DCC: variants seen among roughly 807,000 people sequenced by gnomAD.
The protein encoded by DCC is netrin receptor DCC.
Under a neutral mutation model 172.5 loss-of-function variants are expected in DCC, and 58 were observed. The observed-to-expected ratio is 0.34, with a 90% confidence interval of 0.27 to 0.42. DCC has a LOEUF of 0.42. Ranked by LOEUF, DCC falls within the 10% of genes least tolerant of loss-of-function variation. The probability of loss-of-function intolerance (pLI) is 1.00; values close to 1 mark genes in which losing one functional copy is unlikely to be tolerated. For synonymous variants in DCC, 709 were observed against 644.5 expected (o/e 1.10, Z -1.52); for missense variants, 1,740 against 1,791.0 (o/e 0.97, Z 0.51).
chr18:52,366,388 G>C (rs1041344761), intron 1 of DCC, among the ~76,000 whole-genome samples: 2 of 152,088 alleles, frequency 1.3e-5, no homozygotes, highest in South Asian at 2.1e-4. Flanking sequence ...ATGCTGGCTC[G>C]GGCAGCCTGT....
At chr18:52,711,516 T>A (rs1190557850) in intron 1 of DCC, among the ~76,000 whole-genome samples, 1 of 152,248 alleles carries the variant, frequency 6.6e-6, no homozygotes, top group Non-Finnish European at 1.5e-5. Flanking sequence ...ATTACAAATC[T>A]ATCATAGAGT....
intron 2 of DCC, among the ~76,000 whole-genome samples, chr18:52,826,941 T>G (rs992129108): frequency 6.6e-6 from 1 of 152,220 alleles, no homozygotes; most frequent in Non-Finnish European, 1.5e-5. Context: ...TACAGTATAG[T>G]AACTATTTAC....
intron 15 of DCC, among the ~76,000 whole-genome samples, chr18:53,369,300 C>G (rs1404110450): frequency 1.3e-5 from 2 of 151,858 alleles, no homozygotes; most frequent in Non-Finnish European, 2.9e-5. Flanking sequence ...TGTATTTGCT[C>G]TAAAAGGTGT....
At chr18:53,329,142 AT>A (rs1447330817) in intron 14 of DCC, among the ~76,000 whole-genome samples, 3 of 152,212 alleles carry the variant, frequency 2.0e-5, no homozygotes, top group African/African-American at 7.2e-5. Flanking sequence ...TTATAGGAAT[AT>A]AAGCAAGCTT....
intron 1 of DCC, among the ~76,000 whole-genome samples, chr18:52,643,573 C>G (rs1368868036): frequency 1.3e-5 from 2 of 152,190 alleles, no homozygotes; most frequent in Non-Finnish European, 2.9e-5. Flanking sequence ...TCCCAATCCC[C>G]CTACAGAAAG....
At chr18:53,123,405 A>C (rs1264619197) in intron 7 of DCC, among the ~76,000 whole-genome samples, 1 of 152,052 alleles carries the variant, frequency 6.6e-6, no homozygotes, top group East Asian at 1.9e-4. Flanking sequence ...GGGCTAGATC[A>C]GTGAAGCAGA....
chr18:52,397,512 G>A (rs1986276271), intron 1 of DCC, among the ~76,000 whole-genome samples: 1 of 151,938 alleles, frequency 6.6e-6, no homozygotes, highest in Non-Finnish European at 1.5e-5. Flanking sequence ...CATTCCTAGG[G>A]TCCCATCAGC....
intron 2 of DCC, among the ~76,000 whole-genome samples, chr18:52,857,365 C>G (rs138016309): frequency 6.6e-6 from 1 of 151,950 alleles, no homozygotes; most frequent in African/African-American, 2.4e-5. Flanking sequence ...TGTTAAATAT[C>G]CAAAAGAGAA....
intron 1 of DCC, among the ~76,000 whole-genome samples, chr18:52,377,271 C>A (rs1267043371): frequency 6.6e-6 from 1 of 152,166 alleles, no homozygotes; most frequent in East Asian, 1.9e-4. Context: ...ATCCTGAGCA[C>A]TTCTCATTCA....
At chr18:52,797,735 T>A (rs1305521382) in intron 2 of DCC, among the ~76,000 whole-genome samples, 1 of 152,056 alleles carries the variant, frequency 6.6e-6, no homozygotes, top group Admixed American at 6.6e-5. Flanking sequence ...CCTGTACAAT[T>A]TGTATGGGTG....
chr18:53,466,383 C>G (rs2145180811), intron 24 of DCC, among the ~76,000 whole-genome samples: 1 of 152,322 alleles, frequency 6.6e-6, no homozygotes, highest in South Asian at 2.1e-4. Context: ...AGATAGCTGG[C>G]TTTTCACAAA....
intron 8 of DCC, among the ~76,000 whole-genome samples, chr18:53,172,939 C>T (rs1456634769): frequency 6.6e-6 from 1 of 152,058 alleles, no homozygotes; most frequent in African/African-American, 2.4e-5. Context: ...TTCTAAATCT[C>T]ACTTTCTATA....
chr18:53,089,389 C>T (rs1021907155), intron 7 of DCC, among the ~76,000 whole-genome samples: 2 of 151,936 alleles, frequency 1.3e-5, no homozygotes, highest in African/African-American at 2.4e-5. Flanking sequence ...CCCGGCCGTA[C>T]TCATGTATTT....
chr18:52,917,641 T>C (rs1293216877), intron 3 of DCC, among the ~76,000 whole-genome samples: 8 of 152,274 alleles, frequency 5.3e-5, no homozygotes, highest in African/African-American at 1.9e-4. Context: ...GGCAACGTAT[T>C]GCCATAGGGT....
At chr18:53,085,918 A>G in intron 7 of DCC, among the ~76,000 whole-genome samples, 1 of 149,434 alleles carries the variant, frequency 6.7e-6, no homozygotes, top group Non-Finnish European at 1.5e-5. Context: ...CTTACATAAA[A>G]TCCAGACCTC....
At chr18:52,926,890 CAT>C (rs758882891) in intron 5 of DCC, among the ~76,000 whole-genome samples, 37 of 137,970 alleles carry the variant, frequency 2.7e-4, no homozygotes, top group African/African-American at 6.7e-4. Context: ...TATACACACA[CAT>C]ACATATGTGT....
intron 5 of DCC, among the ~76,000 whole-genome samples, chr18:52,998,964 T>C (rs1231041312): frequency 2.0e-5 from 3 of 152,054 alleles, no homozygotes; most frequent in Non-Finnish European, 4.4e-5. Context: ...TTTGGCGTCA[T>C]TGACTAAAAG....
chr18:52,376,031 G>A (rs1985331678), intron 1 of DCC, among the ~76,000 whole-genome samples: 1 of 152,142 alleles, frequency 6.6e-6, no homozygotes, highest in Non-Finnish European at 1.5e-5. Context: ...CCTAGATCCT[G>A]GAACCCACTA....
chr18:53,344,232 G>T (rs1217195450), intron 15 of DCC, among the ~76,000 whole-genome samples: 3 of 151,490 alleles, frequency 2.0e-5, no homozygotes, highest in African/African-American at 7.3e-5. Context: ...TACATCCATT[G>T]TTGTTCCTCT....
Sources: allele counts gnomAD v4.1 joint callset (sites outside exome capture counted in the v4.1 genomes callset), GRCh38; gene constraint gnomAD v4.1.1; transcripts MANE v1.5; gene names NCBI Gene and HGNC (gene_info 2026-07-23, HGNC 2026-07-21).